SCOC: variants seen among roughly 807,000 people sequenced by gnomAD.
SCOC encodes short coiled-coil protein.
A neutral mutation model predicts 9.9 loss-of-function variants in SCOC; 7 were observed. That is an observed-to-expected ratio of 0.71 (90% confidence interval 0.40 to 1.33). The LOEUF (loss-of-function observed/expected upper bound fraction) is 1.33. Among genes scored for constraint, SCOC ranks in the 40% most tolerant of loss-of-function variants. SCOC has a pLI of 0.01. For missense variants in SCOC, 66 were observed against 89.7 expected (o/e 0.74, Z 1.07); for synonymous variants, 19 against 28.2 (o/e 0.67, Z 1.03).
chr4:140,308,584 G>T (rs1364509218), intron 1 of SCOC, among the ~76,000 whole-genome samples: 1 of 152,194 alleles, frequency 6.6e-6, no homozygotes, highest in East Asian at 1.9e-4. Context: ...GGGAGCCCGT[G>T]TGTCGATTCT....
At chr4:140,272,285 G>T (rs956619317) in intron 1 of SCOC, among the ~76,000 whole-genome samples, 5 of 150,238 alleles carry the variant, frequency 3.3e-5, no homozygotes, top group Non-Finnish European at 7.4e-5. Context: ...AAACTCTTAC[G>T]CTCAAGGGAT....
intron 2 of SCOC, among the ~76,000 whole-genome samples, chr4:140,345,082 C>T (rs1487297073): frequency 6.6e-6 from 1 of 152,122 alleles, no homozygotes; most frequent in Non-Finnish European, 1.5e-5. Context: ...AATTTAAGTT[C>T]AGGTGTCCAG....
chr4:140,293,713 G>A (rs576510360), intron 1 of SCOC, among the ~76,000 whole-genome samples: 1 of 152,300 alleles, frequency 6.6e-6, no homozygotes, highest in East Asian at 1.9e-4. Flanking sequence ...TGTATCCAAA[G>A]GTGCAGCAGC....
intron 2 of SCOC, among the ~76,000 whole-genome samples, chr4:140,364,221 G>A (rs1047615421): frequency 3.3e-5 from 5 of 151,988 alleles, no homozygotes; most frequent in Non-Finnish European, 2.9e-5. Flanking sequence ...GAGAAAAAGC[G>A]AAGTCATTAT....
At position 140,381,703 on chromosome 4, in the gene SCOC, G is replaced by A. The variant is rs928374558; in HGVS notation, c.*599G>A. 2 of 152,204 alleles carry A rather than the reference G, an allele frequency of 1.3e-5. No individual in the cohort carries two copies. The highest frequency in any genetic ancestry group is 4.8e-5 in the African/African-American group (2 of 41,450). The allele number at this position is 152,204 out of a possible 1,614,324, so 9.4% of individuals were successfully genotyped here. On this transcript the variant is annotated 3_prime_UTR_variant, in exon 4 of 4. Transcript: ENST00000608372. ...ATTTAGTGTTAAGATAGGAATGCTA[G>A]TGTCTCTTTAATTAATTGGAAATAG...
At chr4:140,332,110 T>C (rs1340204890) in intron 1 of SCOC, among the ~76,000 whole-genome samples, 2 of 152,060 alleles carry the variant, frequency 1.3e-5, no homozygotes, top group Non-Finnish European at 2.9e-5. Flanking sequence ...TGCTAAACCA[T>C]TAGAAACCGC....
chr4:140,362,221 T>C (rs990136238), intron 2 of SCOC, among the ~76,000 whole-genome samples: 1 of 149,862 alleles, frequency 6.7e-6, no homozygotes, highest in African/African-American at 2.5e-5. Flanking sequence ...TAATTACTAA[T>C]TTTAAGCAAT....
At chr4:140,316,398 T>C (rs1732318979) in intron 1 of SCOC, among the ~76,000 whole-genome samples, 1 of 152,192 alleles carries the variant, frequency 6.6e-6, no homozygotes, top group Non-Finnish European at 1.5e-5. Context: ...GTAATGCCAT[T>C]AACAGCAATT....
At chr4:140,356,583 T>C (rs1345462426) in intron 2 of SCOC, among the ~76,000 whole-genome samples, 1 of 152,262 alleles carries the variant, frequency 6.6e-6, no homozygotes, top group Admixed American at 6.5e-5. Flanking sequence ...GCAGTCATTG[T>C]GTAAAATGGT....
At chr4:140,258,666 G>A (rs1730564250) in intron 1 of SCOC, among the ~76,000 whole-genome samples, 1 of 152,226 alleles carries the variant, frequency 6.6e-6, no homozygotes, top group South Asian at 2.1e-4. Flanking sequence ...TTGGAGCACA[G>A]TGAATCTTCC....
chr4:140,374,844 A>C (rs74407757), intron 1 of SCOC, among the ~76,000 whole-genome samples: 2,274 of 152,326 alleles, frequency 0.015, 42 homozygotes, highest in African/African-American at 0.053. Context: ...TTTCTGAAAG[A>C]TATATAGACT....
chr4:140,354,367 T>C (rs1277582563), intron 2 of SCOC, among the ~76,000 whole-genome samples: 1 of 152,218 alleles, frequency 6.6e-6, no homozygotes, highest in Non-Finnish European at 1.5e-5. Context: ...AATGTTATAA[T>C]TTGAGAGACT....
chr4:140,337,841 G>A (rs967403427), intron 1 of SCOC, among the ~76,000 whole-genome samples: 16 of 152,234 alleles, frequency 1.1e-4, no homozygotes, highest in African/African-American at 2.9e-4. Flanking sequence ...GGGACCAGAC[G>A]GATTCACAGC....
At chr4:140,332,168 G>T (rs959499528) in intron 1 of SCOC, among the ~76,000 whole-genome samples, 1 of 152,210 alleles carries the variant, frequency 6.6e-6, no homozygotes, top group Admixed American at 6.5e-5. Context: ...CAGCACTGGG[G>T]ATTACATTTC....
intron 1 of SCOC, among the ~76,000 whole-genome samples, chr4:140,292,312 C>A (rs979623866): frequency 1.3e-5 from 2 of 151,970 alleles, no homozygotes; most frequent in African/African-American, 4.8e-5. Flanking sequence ...CCTCACCCTC[C>A]CAAGTTGCTG....
At chr4:140,330,371 T>C (rs1168575401) in intron 1 of SCOC, among the ~76,000 whole-genome samples, 1 of 152,052 alleles carries the variant, frequency 6.6e-6, no homozygotes, top group Non-Finnish European at 1.5e-5. Context: ...CACCACTAAA[T>C]AACTTTTCAT....
chr4:140,362,307 T>TCTTCTTCTTCTTCTTCTTCTTCTCCTC (rs1367879973), intron 2 of SCOC, among the ~76,000 whole-genome samples: 1 of 67,656 alleles, frequency 1.5e-5, no homozygotes, highest in Non-Finnish European at 3.5e-5. Flanking sequence ...TTCTTTTTTT[T>TCTTCTTCTTCTTCTTCTTCTTCTCCTC]TTTTTTTTGT....
chr4:140,261,942 T>C (rs920832366), intron 1 of SCOC, among the ~76,000 whole-genome samples: 1 of 152,084 alleles, frequency 6.6e-6, no homozygotes, highest in Non-Finnish European at 1.5e-5. Context: ...GTCAAAAGAG[T>C]GCAGCAGGCC....
intron 1 of SCOC, among the ~76,000 whole-genome samples, chr4:140,302,032 C>T (rs1179814208): frequency 6.6e-6 from 1 of 152,088 alleles, no homozygotes; most frequent in Non-Finnish European, 1.5e-5. Context: ...CAGGGTTTCG[C>T]CATGTTACCC....
Sources: gnomAD v4.1 joint callset for allele counts (sites outside exome capture counted in the v4.1 genomes callset) on GRCh38, gnomAD v4.1.1 for gene constraint, MANE v1.5 for transcripts, NCBI Gene and HGNC (gene_info 2026-07-23, HGNC 2026-07-21) for gene names.